Variants in SPON1 observed in about 807,000 individuals in gnomAD.
SPON1 encodes the protein spondin-1.
SPON1 carries 52 observed loss-of-function variants against 111.7 expected under a neutral mutation model. The observed-to-expected ratio is 0.47, with a 90% CI of 0.37 to 0.59. The LOEUF is 0.59. Among genes scored for constraint, SPON1 ranks in the 20% least tolerant of loss-of-function variants. The probability of loss-of-function intolerance (pLI) is 0.00; values close to 1 mark genes in which losing one functional copy is unlikely to be tolerated. For missense variants in SPON1, 957 were observed against 1,068.5 expected, an observed-to-expected ratio of 0.90 and a Z score of 1.46; for synonymous variants, 410 against 395.8, an observed-to-expected ratio of 1.04 and a Z score of -0.43.
chr11:14,029,444 A>G (rs1848542409), intron 2 of SPON1, among the ~76,000 whole-genome samples: 1 of 152,208 alleles, frequency 6.6e-6, no homozygotes, highest in Non-Finnish European at 1.5e-5. Context: ...GGCTCTTGTC[A>G]CATGATCAGG....
chr11:14,207,132 G>A (rs1018084309), intron 6 of SPON1, among the ~76,000 whole-genome samples: 2 of 152,126 alleles, frequency 1.3e-5, no homozygotes, highest in South Asian at 2.1e-4. Flanking sequence ...ACAAGCAATG[G>A]GGAAAGGATT....
chr11:14,049,768 C>T (rs1554918259), intron 3 of SPON1, among the ~76,000 whole-genome samples: 1 of 152,142 alleles, frequency 6.6e-6, no homozygotes, highest in African/African-American at 2.4e-5. Context: ...TTTCATAACT[C>T]ATTTAGGGCC....
At chr11:14,194,772 T>A (rs1380050744) in intron 6 of SPON1, among the ~76,000 whole-genome samples, 1 of 152,212 alleles carries the variant, frequency 6.6e-6, no homozygotes, top group South Asian at 2.1e-4. Context: ...GATTTTAGGG[T>A]AAAACACTGG....
chr11:14,146,326 T>G (rs1554929338), intron 6 of SPON1, among the ~76,000 whole-genome samples: 1 of 152,068 alleles, frequency 6.6e-6, no homozygotes, highest in African/African-American at 2.4e-5. Context: ...ATTTTTACAT[T>G]TTTAGTAGAG....
chr11:14,154,056 G>A (rs953717050), intron 6 of SPON1, among the ~76,000 whole-genome samples: 1 of 152,172 alleles, frequency 6.6e-6, no homozygotes, highest in Non-Finnish European at 1.5e-5. Flanking sequence ...GCTATGCAGG[G>A]TATAGCCCCT....
chr11:14,047,003 C>G (rs1323789909), intron 3 of SPON1, among the ~76,000 whole-genome samples: 1 of 151,928 alleles, frequency 6.6e-6, no homozygotes, highest in Non-Finnish European at 1.5e-5. Flanking sequence ...AATCATTGAT[C>G]CCTTGTGTTT....
intron 2 of SPON1, among the ~76,000 whole-genome samples, chr11:14,038,168 AAAAT>A (rs565701132): frequency 2.4e-4 from 37 of 151,384 alleles, no homozygotes; most frequent in South Asian, 1.3e-3. Flanking sequence ...TCTGTCTCAA[AAAAT>A]AAATAAATAA....
intron 3 of SPON1, among the ~76,000 whole-genome samples, chr11:14,056,870 G>A (rs564672083): frequency 1.3e-4 from 20 of 152,092 alleles, no homozygotes; most frequent in Non-Finnish European, 2.4e-4. Flanking sequence ...CAGCCTGGGT[G>A]ACAGAGCGAG....
intron 5 of SPON1, among the ~76,000 whole-genome samples, chr11:14,098,786 A>G (rs1554924147): frequency 6.6e-6 from 1 of 152,204 alleles, no homozygotes; most frequent in African/African-American, 2.4e-5. Context: ...GGTTTGCACT[A>G]TGAAATGCAT....
chr11:13,965,885 T>C (rs1240152275), intron 1 of SPON1, among the ~76,000 whole-genome samples: 1 of 152,358 alleles, frequency 6.6e-6, no homozygotes, highest in East Asian at 1.9e-4. Context: ...ATTTGCTTTT[T>C]AATTTTTTCA....
chr11:14,240,068 A>G (rs1161571922), intron 6 of SPON1, among the ~76,000 whole-genome samples: 1 of 152,226 alleles, frequency 6.6e-6, no homozygotes, highest in Non-Finnish European at 1.5e-5. Context: ...TCACAGCATC[A>G]TTTATGAAAA....
At chr11:14,229,916 C>G (rs7106953) in intron 6 of SPON1, among the ~76,000 whole-genome samples, 3 of 150,952 alleles carry the variant, frequency 2.0e-5, no homozygotes, top group Admixed American at 6.6e-5. Flanking sequence ...AGAGGCCAGC[C>G]TGTGTGTGTG....
At chr11:14,212,856 G>T (rs1266223654) in intron 6 of SPON1, among the ~76,000 whole-genome samples, 1 of 152,098 alleles carries the variant, frequency 6.6e-6, no homozygotes, top group East Asian at 1.9e-4. Context: ...TCTGATAATC[G>T]AATGTCTGAG....
intron 6 of SPON1, among the ~76,000 whole-genome samples, chr11:14,165,772 T>C (rs183415047): frequency 5.2e-4 from 79 of 152,314 alleles, no homozygotes; most frequent in Admixed American, 1.2e-3. Flanking sequence ...CAAATCATGA[T>C]AGAACTGACT....
intron 7 of SPON1, among the ~76,000 whole-genome samples, chr11:14,254,075 G>T (rs1849080904): frequency 6.6e-6 from 1 of 152,236 alleles, no homozygotes; most frequent in Admixed American, 6.5e-5. Context: ...CTTCCCAGCT[G>T]TGAGCTGATG....
At chr11:14,234,463 A>T (rs1190072661) in intron 6 of SPON1, among the ~76,000 whole-genome samples, 1 of 152,204 alleles carries the variant, frequency 6.6e-6, no homozygotes, top group Non-Finnish European at 1.5e-5. Context: ...GATTTTACTC[A>T]GGGGAGCAGC....
At chr11:14,064,756 G>C (rs569396228) in intron 3 of SPON1, among the ~76,000 whole-genome samples, 1 of 152,240 alleles carries the variant, frequency 6.6e-6, no homozygotes, top group Non-Finnish European at 1.5e-5. Context: ...CCCTGGCAGA[G>C]CATAGGTAAA....
chr11:14,122,529 A>G (rs1847402998), intron 5 of SPON1, among the ~76,000 whole-genome samples: 1 of 152,108 alleles, frequency 6.6e-6, no homozygotes. Flanking sequence ...CTGGAACTCC[A>G]ATTACCACTA....
intron 2 of SPON1, among the ~76,000 whole-genome samples, chr11:14,026,970 C>T (rs113281448): frequency 6.6e-6 from 1 of 152,164 alleles, no homozygotes; most frequent in African/African-American, 2.4e-5. Flanking sequence ...ACTGAATTTG[C>T]CAAGAACTCC....
Sources: allele counts gnomAD v4.1 joint callset (sites outside exome capture counted in the v4.1 genomes callset), GRCh38; gene constraint gnomAD v4.1.1; transcripts MANE v1.5; gene names NCBI Gene and HGNC (gene_info 2026-07-23, HGNC 2026-07-21).